Variants in GUCY1A1 observed in about 807,000 individuals in gnomAD.
GUCY1A1 encodes guanylate cyclase soluble subunit alpha-1.
In GUCY1A1, 48 loss-of-function variants were observed where a neutral mutation model predicts 64.5. The observed-to-expected ratio is 0.74, with a 90% CI of 0.59 to 0.95. The LOEUF (loss-of-function observed/expected upper bound fraction) is 0.95, where lower values mean the gene tolerates loss of function less well. Among genes scored for constraint, GUCY1A1 ranks in the 40% least tolerant of loss-of-function variants. The probability of loss-of-function intolerance (pLI) is 0.00; values close to 1 mark genes in which losing one functional copy is unlikely to be tolerated. For missense variants in GUCY1A1, 804 were observed against 825.3 expected (o/e 0.97, Z 0.32); for synonymous variants, 308 against 303.4 (o/e 1.02, Z -0.16).
intron 3 of GUCY1A1, among the ~76,000 whole-genome samples, chr4:155,698,541 C>T (rs1443269809): frequency 6.6e-6 from 1 of 152,096 alleles, no homozygotes; most frequent in Non-Finnish European, 1.5e-5. Context: ...GAATCCTGTC[C>T]TTACTATGTT....
In GUCY1A1 at chr4:155,708,232, C is replaced by G; in HGVS notation, c.318-4C>G. ...TATAACTTAAAATATTGAAATATTT[C>G]CAGGAAATCTTTGGAAAGAGAAGAC... On this transcript the variant is annotated splice_region_variant and splice_polypyrimidine_tract_variant and intron_variant, in intron 4 of 9. Transcript: ENST00000506455. 1 of 1,386,148 alleles carries G rather than the reference C, an allele frequency of 7.2e-7. No homozygotes were observed. The highest frequency in any genetic ancestry group is 1.0e-6 in the Non-Finnish European group (1 of 974,830). The allele number at this position is 1,386,148 out of a possible 1,614,324, so 85.9% of individuals were successfully genotyped here. A position where few individuals can be genotyped will look rare whatever the true frequency, so the allele number is the denominator to read the frequency against.
chr4:155,709,414 C>T (rs1161692137), intron 5 of GUCY1A1, among the ~76,000 whole-genome samples: 1 of 152,154 alleles, frequency 6.6e-6, no homozygotes, highest in East Asian at 1.9e-4. Context: ...TAACCTATAA[C>T]ATTTATATTT....
intron 2 of GUCY1A1, among the ~76,000 whole-genome samples, chr4:155,685,603 G>GTTTTTTTTTTTTT (rs70954055): frequency 9.2e-6 from 1 of 108,858 alleles, no homozygotes; most frequent in African/African-American, 3.1e-5. Context: ...TTCTCCTTGT[G>GTTTTTTTTTTTTT]TTTTTTTTTT....
At position 155,733,593 on chromosome 4, in the gene GUCY1A1, T is replaced by C. The variant is rs1012979457; in HGVS notation, c.*3362T>C. Among the ~76,000 whole-genome samples, 2 of 151,110 alleles carry C rather than the reference T, an allele frequency of 1.3e-5. No homozygotes were observed. Among genetic ancestry groups the C allele is most frequent in the African/African-American group, 4.9e-5 (2 of 41,110 alleles). ...TAAGTAGTTATCAACATTACCATAA[T>C]AGTAATATTAATAACTACAATAAGA... On this transcript the variant is annotated 3_prime_UTR_variant, in exon 10 of 10. Transcript: ENST00000506455.
rs1255300433 is a variant in GUCY1A1 at position 155,675,302 on chromosome 4, A to G, written c.-113+7883A>G. 2.6e-5 allele frequency among the ~76,000 whole-genome samples: 4 copies of G among 151,740 alleles called. No homozygotes were observed. In the East Asian group the frequency reaches 5.8e-4, roughly 22 times the overall value. Reference sequence around the variant, plus strand: ...TATAACATAAACTTTTAAATTGTGTATTTGTGAGCATAAAGTTATATCAAG... The same window carrying G: ...TATAACATAAACTTTTAAATTGTGTGTTTGTGAGCATAAAGTTATATCAAG... On this transcript the variant is annotated intron_variant, in intron 2 of 9. Transcript: ENST00000506455.
intron 4 of GUCY1A1, among the ~76,000 whole-genome samples, chr4:155,704,288 G>A (rs868012913): frequency 3.3e-5 from 5 of 152,188 alleles, no homozygotes; most frequent in African/African-American, 1.2e-4. Context: ...TAAGCATGTA[G>A]TTATAAACTG....
intron 2 of GUCY1A1, among the ~76,000 whole-genome samples, chr4:155,682,009 T>C (rs758358866): frequency 6.6e-6 from 1 of 152,188 alleles, no homozygotes; most frequent in Non-Finnish European, 1.5e-5. Flanking sequence ...GTGCTATATC[T>C]TTCTACACAA....
chr4:155,730,271 C>A lies in GUCY1A1; in HGVS notation c.*40C>A. ...ATTTATAAGTCTTTGGGGTTTGACT[C>A]ATTGAAGATGTGTAGAGCCTCTGAA... On this transcript the variant is annotated 3_prime_UTR_variant, in exon 10 of 10. Transcript: ENST00000506455. 1 of 1,317,318 alleles carries A rather than the reference C, an allele frequency of 7.6e-7. No individual in the cohort carries two copies. Among genetic ancestry groups the A allele is most frequent in the South Asian group, 1.2e-5 (1 of 84,306 alleles). 81.6% of individuals were successfully genotyped at this position (1,317,318 alleles called of 1,614,324 possible).
chr4:155,708,127 G>A lies in GUCY1A1; in HGVS notation c.318-109G>A, dbSNP rs185384622. 6.5e-6 allele frequency: 4 copies of A among 617,512 alleles called. No homozygotes were observed. In the Admixed American group the frequency reaches 1.0e-4, roughly 16 times the overall value. 38.3% of individuals were successfully genotyped at this position (617,512 alleles called of 1,614,324 possible). A position where few individuals can be genotyped will look rare whatever the true frequency, so the allele number is the denominator to read the frequency against. On this transcript the variant is annotated intron_variant, in intron 4 of 9. Coordinates refer to ENST00000506455, the MANE Select transcript of GUCY1A1 (RefSeq NM_001130682.3). ...GCTGGGATTACAGGCGTGAGCCGCT[G>A]TGCCTGGCCTAATTTAAACTATTTT...
chr4:155,726,866 T>A (rs569613842), intron 9 of GUCY1A1, among the ~76,000 whole-genome samples: 1 of 151,992 alleles, frequency 6.6e-6, no homozygotes, highest in Non-Finnish European at 1.5e-5. Flanking sequence ...CCAGGTCTAC[T>A]ACATTAGTTC....
intron 2 of GUCY1A1, among the ~76,000 whole-genome samples, chr4:155,680,780 CGTT>C (rs1735619985): frequency 6.6e-6 from 1 of 152,106 alleles, no homozygotes; most frequent in African/African-American, 2.4e-5. Flanking sequence ...TCTTCACCCT[CGTT>C]GTCTTCATTT....
At chr4:155,693,844 G>A (rs1394151188) in intron 2 of GUCY1A1, among the ~76,000 whole-genome samples, 1 of 152,132 alleles carries the variant, frequency 6.6e-6, no homozygotes, top group East Asian at 1.9e-4. Context: ...GATTCAGTAG[G>A]AAGATAAGAA....
At chr4:155,717,461 A>G (rs1345527578) in intron 8 of GUCY1A1, among the ~76,000 whole-genome samples, 159 bp downstream of exon 8, 2 of 152,192 alleles carry the variant, frequency 1.3e-5, no homozygotes, top group Non-Finnish European at 2.9e-5. Flanking sequence ...TTACATTGGA[A>G]GAAATTTATT....
intron 8 of GUCY1A1, among the ~76,000 whole-genome samples, chr4:155,720,171 T>C (rs1175034243): frequency 6.6e-6 from 1 of 152,060 alleles, no homozygotes; most frequent in Non-Finnish European, 1.5e-5. Context: ...ATTTTAATTA[T>C]GAAACAAGAT....
intron 4 of GUCY1A1, among the ~76,000 whole-genome samples, chr4:155,705,089 A>C (rs1290453227): frequency 3.9e-5 from 6 of 152,062 alleles, no homozygotes; most frequent in Admixed American, 2.0e-4. Flanking sequence ...ATGGGGTTTC[A>C]CCGTGTTGCT....
chr4:155,682,629 G>A (rs985397516), intron 2 of GUCY1A1, among the ~76,000 whole-genome samples: 12 of 151,554 alleles, frequency 7.9e-5, no homozygotes, highest in Admixed American at 2.0e-4. Context: ...CCGAGATCAT[G>A]CCACTGCACT....
intron 2 of GUCY1A1, among the ~76,000 whole-genome samples, chr4:155,677,708 C>T (rs778900141): frequency 2.6e-5 from 4 of 151,910 alleles, no homozygotes; most frequent in African/African-American, 4.8e-5. Context: ...AAAAATTAGC[C>T]GGGCATGGTG....
chr4:155,697,045 CCTCAAAGAAAA>C lies in GUCY1A1; in HGVS notation c.179_189del (p.Pro60HisfsTer24). 1 of 1,612,772 alleles carries C rather than the reference CCTCAAAGAAAA, an allele frequency of 6.2e-7. No homozygotes were observed. Among genetic ancestry groups the C allele is most frequent in the Non-Finnish European group, 8.5e-7 (1 of 1,178,832 alleles). ...TGAGAAGAACATACAAGAAAGTCTTCCTCAAAGAAAAACCAGTCGGAGCCGAGTCTATCTTC... is the reference window on the plus strand; with the variant it reads ...TGAGAAGAACATACAAGAAAGTCTTCACCAGTCGGAGCCGAGTCTATCTTC... On this transcript the variant is annotated frameshift_variant, in exon 3 of 10. Coordinates refer to ENST00000506455, the MANE Select transcript of GUCY1A1 (RefSeq NM_001130682.3). LOFTEE classifies it high-confidence loss of function.
At chr4:155,722,439 T>A in intron 9 of GUCY1A1, 1 of 1,308,862 alleles carries the variant, frequency 7.6e-7, no homozygotes. Context: ...TAGTCTTCCA[T>A]CATTCTTCTT....
Sources: gnomAD v4.1 joint callset for allele counts (sites outside exome capture counted in the v4.1 genomes callset) on GRCh38, gnomAD v4.1.1 for gene constraint, MANE v1.5 for transcripts, NCBI Gene and HGNC (gene_info 2026-07-23, HGNC 2026-07-21) for gene names.